WDPCP: variants seen among roughly 807,000 people sequenced by gnomAD.
WDPCP encodes the protein WD repeat-containing and planar cell polarity effector protein fritz homolog.
In WDPCP, 71 loss-of-function variants were observed where a neutral mutation model predicts 93.1. That is an observed-to-expected ratio of 0.76 (90% CI 0.63 to 0.93). WDPCP has a LOEUF of 0.93. Ranked by LOEUF, WDPCP falls within the 40% of genes least tolerant of loss-of-function variation. WDPCP has a pLI of 0.00. For synonymous variants in WDPCP, 315 were observed against 315.0 expected, an observed-to-expected ratio of 1.00 and a Z score of 0.00; for missense variants, 844 against 887.4, an observed-to-expected ratio of 0.95 and a Z score of 0.62.
At chr2:63,218,562 C>T (rs182556387) in intron 14 of WDPCP, among the ~76,000 whole-genome samples, 128 of 152,242 alleles carry the variant, frequency 8.4e-4, no homozygotes, top group Non-Finnish European at 1.5e-3. Context: ...CGGAGCCTCG[C>T]TCTGTTACCC....
intron 2 of WDPCP, chr2:63,717,288 T>C (rs1468697661): frequency 3.7e-6 from 2 of 542,484 alleles, no homozygotes; most frequent in Middle Eastern, 6.1e-4. Context: ...GGCAGCAACA[T>C]GGCAAGATGG....
At chr2:63,839,902 T>C in the WDPCP span, among the ~76,000 whole-genome samples, 9 of 152,332 alleles carry the variant, frequency 5.9e-5, no homozygotes, top group East Asian at 7.7e-4. Flanking sequence ...GTACCAATGG[T>C]TGTCATTCTC....
chr2:63,786,560 T>C (rs1670469024), intron 2 of WDPCP, among the ~76,000 whole-genome samples: 1 of 152,184 alleles, frequency 6.6e-6, no homozygotes, highest in Non-Finnish European at 1.5e-5. Context: ...CTGATCTATA[T>C]CCTTACCTCC....
intron 3 of WDPCP, among the ~76,000 whole-genome samples, chr2:63,628,270 T>A (rs191895475): frequency 0.013 from 1,998 of 152,134 alleles, 45 homozygotes; most frequent in African/African-American, 0.044. Flanking sequence ...CGATAAAAAA[T>A]TTTTTTCTCA....
At chr2:63,188,080 T>C (rs1393393267) in intron 14 of WDPCP, among the ~76,000 whole-genome samples, 1 of 152,214 alleles carries the variant, frequency 6.6e-6, no homozygotes, top group African/African-American at 2.4e-5. Context: ...GGCTCACTTG[T>C]ACGTGATGAG....
chr2:63,689,422 TC>T (rs1211765441), intron 2 of WDPCP, among the ~76,000 whole-genome samples: 1 of 152,134 alleles, frequency 6.6e-6, no homozygotes, highest in Admixed American at 6.5e-5. Context: ...AAAGGGGGCC[TC>T]GAAATATTCT....
intron 13 of WDPCP, among the ~76,000 whole-genome samples, chr2:63,301,215 C>T (rs985719408): frequency 1.4e-4 from 21 of 152,144 alleles, no homozygotes; most frequent in African/African-American, 3.9e-4. Flanking sequence ...CTTTGGTAAA[C>T]GGGAAAATTC....
chr2:63,629,198 G>A (rs1709841042), intron 3 of WDPCP, among the ~76,000 whole-genome samples: 1 of 152,176 alleles, frequency 6.6e-6, no homozygotes, highest in African/African-American at 2.4e-5. Flanking sequence ...AAAGGAGCAG[G>A]AAAGGGGGCA....
At chr2:63,597,844 C>T in intron 3 of WDPCP, 2 of 221,966 alleles carry the variant, frequency 9.0e-6, no homozygotes, top group Admixed American at 5.7e-5. Context: ...AGAGAAGGCA[C>T]AGGATCTTCT....
intron 3 of WDPCP, among the ~76,000 whole-genome samples, chr2:63,618,860 T>C (rs1005616384): frequency 6.6e-6 from 1 of 152,146 alleles, no homozygotes; most frequent in Non-Finnish European, 1.5e-5. Flanking sequence ...TAGCTAATTT[T>C]GTATTTTTAG....
intron 1 of WDPCP, among the ~76,000 whole-genome samples, chr2:63,528,858 C>T (rs1367725360): frequency 6.6e-6 from 1 of 152,140 alleles, no homozygotes; most frequent in African/African-American, 2.4e-5. Context: ...ATGGAATGTT[C>T]TTCCATTTGT....
At chr2:63,287,132 A>G (rs1348173028) in intron 13 of WDPCP, among the ~76,000 whole-genome samples, 1 of 152,126 alleles carries the variant, frequency 6.6e-6, no homozygotes, top group African/African-American at 2.4e-5. Context: ...TCTTGTAAGG[A>G]CACCAGTCAT....
At chr2:63,169,088 T>C (rs1466236290) in intron 15 of WDPCP, among the ~76,000 whole-genome samples, 1 of 152,246 alleles carries the variant, frequency 6.6e-6, no homozygotes, top group Non-Finnish European at 1.5e-5. Context: ...TCTAAAGTTG[T>C]ATTACTTCTA....
chr2:63,499,922 C>T (rs542990915), intron 1 of WDPCP, among the ~76,000 whole-genome samples: 121 of 152,330 alleles, frequency 7.9e-4, no homozygotes, highest in Middle Eastern at 6.8e-3. Context: ...AGCTACTAAC[C>T]TGGCTACGTG....
chr2:63,688,939 C>T (rs1183703580), intron 2 of WDPCP, among the ~76,000 whole-genome samples: 2 of 152,096 alleles, frequency 1.3e-5, no homozygotes, highest in East Asian at 3.9e-4. Context: ...TTGGGCCCTC[C>T]TTTTTCTGTC....
At chr2:63,818,644 C>T (rs952872881) in intron 1 of WDPCP, among the ~76,000 whole-genome samples, 2 of 152,080 alleles carry the variant, frequency 1.3e-5, no homozygotes, top group East Asian at 1.9e-4. Flanking sequence ...ACATACAACA[C>T]GGATGCATTC....
chr2:63,206,268 A>G (rs1210467511), intron 14 of WDPCP, among the ~76,000 whole-genome samples: 1 of 152,136 alleles, frequency 6.6e-6, no homozygotes, highest in African/African-American at 2.4e-5. Context: ...CATCAGAGAT[A>G]TTCACCAGTT....
chr2:63,617,642 T>C (rs767733516), intron 3 of WDPCP, among the ~76,000 whole-genome samples: 5 of 152,224 alleles, frequency 3.3e-5, no homozygotes, highest in Non-Finnish European at 5.9e-5. Context: ...TGCCTTGTTA[T>C]ACAGATAAGA....
chr2:63,336,089 G>A (rs550619418), intron 12 of WDPCP, among the ~76,000 whole-genome samples: 3 of 152,176 alleles, frequency 2.0e-5, no homozygotes, highest in Non-Finnish European at 4.4e-5. Context: ...TGGGCAACCA[G>A]CAGCACTCAA....
Sources: allele counts gnomAD v4.1 joint callset (sites outside exome capture counted in the v4.1 genomes callset), GRCh38; gene constraint gnomAD v4.1.1; transcripts MANE v1.5; gene names NCBI Gene and HGNC (gene_info 2026-07-23, HGNC 2026-07-21).